Variants in SPDEF observed in about 807,000 individuals in gnomAD.
SPDEF encodes the protein SAM pointed domain-containing Ets transcription factor.
Under a neutral mutation model 36.0 loss-of-function variants are expected in SPDEF, and 12 were observed. That is an observed-to-expected ratio of 0.33 (90% CI 0.21 to 0.54). SPDEF has a LOEUF of 0.54. Among genes scored for constraint, SPDEF ranks in the 20% least tolerant of loss-of-function variants. The probability of loss-of-function intolerance (pLI) is 0.93; values close to 1 mark genes in which losing one functional copy is unlikely to be tolerated. For missense variants in SPDEF, 388 were observed against 456.9 expected, an observed-to-expected ratio of 0.85 and a Z score of 1.37; for synonymous variants, 205 against 193.0, an observed-to-expected ratio of 1.06 and a Z score of -0.51.
intron 1 of SPDEF, among the ~76,000 whole-genome samples, chr6:34,554,796 G>A (rs1162742661): frequency 1.3e-5 from 2 of 152,164 alleles, no homozygotes; most frequent in African/African-American, 2.4e-5. Flanking sequence ...CCACCAGCTT[G>A]GGCCTGGGGC....
At chr6:34,548,293 A>C (rs1350756710) in intron 1 of SPDEF, among the ~76,000 whole-genome samples, 1 of 152,128 alleles carries the variant, frequency 6.6e-6, no homozygotes, top group African/African-American at 2.4e-5. Flanking sequence ...TCTGAGGTGC[A>C]TGCTCTGGCC....
rs9469800 is a variant in SPDEF, at chr6:34,549,478, C to T, written c.-29-4994G>A. Among the ~76,000 whole-genome samples, 1,295 of 152,286 alleles carry T rather than the reference C, an allele frequency of 8.5e-3. 19 individuals are homozygous for T. The highest frequency in any genetic ancestry group is 0.029 in the African/African-American group (1,219 of 41,548). ...GGGCTAGAAATGTGCCCCTTGAACCCTTTGCCTCCCAGGTTTTCACTCCCA... is the reference window on the plus strand; with the variant it reads ...GGGCTAGAAATGTGCCCCTTGAACCTTTTGCCTCCCAGGTTTTCACTCCCA... On this transcript the variant is annotated intron_variant, in intron 1 of 5. Transcript: ENST00000374037.
intron 1 of SPDEF, among the ~76,000 whole-genome samples, chr6:34,549,741 C>T (rs1768022229): frequency 6.6e-6 from 1 of 152,206 alleles, no homozygotes; most frequent in Non-Finnish European, 1.5e-5. Context: ...CCAGCCCGCC[C>T]AGAGCCCAAG....
chr6:34,540,894 G>C, intron 3 of SPDEF, 90 bp downstream of exon 3: 1 of 1,248,476 alleles, frequency 8.0e-7, no homozygotes, highest in Non-Finnish European at 1.1e-6. Context: ...CCAAGGGGCT[G>C]CTGCCCTAGC....
rs760368986 is a variant in SPDEF at position 34,538,247 on chromosome 6, G to C, written c.*27C>G. The C allele has an allele frequency of 6.2e-7, 1 of 1,602,998 alleles. No individual in the cohort carries two copies. The highest frequency in any genetic ancestry group is 8.5e-7 in the Non-Finnish European group (1 of 1,172,532). Reference sequence around the variant, plus strand: ...GCAGGCAGGAGAGAGGCCCCTGAGGGCGGGTTTCAGGCCCTGGGCCAGGCA... The same window carrying C: ...GCAGGCAGGAGAGAGGCCCCTGAGGCCGGGTTTCAGGCCCTGGGCCAGGCA... On this transcript the variant is annotated 3_prime_UTR_variant, in exon 6 of 6. Coordinates refer to ENST00000374037, the MANE Select transcript of SPDEF (RefSeq NM_012391.3). The surrounding 1 kb of genome is among the most constrained non-coding windows in gnomAD (Gnocchi z 5.9).
At chr6:34,554,980 G>C (rs575817267) in intron 1 of SPDEF, among the ~76,000 whole-genome samples, 2 of 152,178 alleles carry the variant, frequency 1.3e-5, no homozygotes, top group East Asian at 3.9e-4. Context: ...CATGGCCTGG[G>C]TGTGGGCTGC....
chr6:34,543,195 C>CAAAAAAAAAAAAAAAAAAAAAA (rs56021909), intron 2 of SPDEF, among the ~76,000 whole-genome samples: 2 of 69,146 alleles, frequency 2.9e-5, no homozygotes, highest in African/African-American at 6.4e-5. Context: ...GACTCCATCT[C>CAAAAAAAAAAAAAAAAAAAAAA]AAAAAAAAAA....
intron 2 of SPDEF, among the ~76,000 whole-genome samples, chr6:34,543,223 A>T (rs1391877578): frequency 6.9e-6 from 1 of 145,972 alleles, no homozygotes; most frequent in Non-Finnish European, 1.5e-5. Flanking sequence ...AAAAAAAAGA[A>T]GAAAAAGAAA....
At position 34,539,132 on chromosome 6, in the gene SPDEF, A is replaced by T; in HGVS notation, c.829+118T>A. The T allele has an allele frequency of 8.3e-7, 1 of 1,204,296 alleles. No homozygotes were observed. The highest frequency in any genetic ancestry group is 1.2e-6 in the Non-Finnish European group (1 of 851,544). The allele number at this position is 1,204,296 out of a possible 1,614,324, so 74.6% of individuals were successfully genotyped here. A position where few individuals can be genotyped will look rare whatever the true frequency, so the allele number is the denominator to read the frequency against. ...GCTGCATATTTGGCATCTAGGACAA[A>T]GGTGGGGATCAGCTTCACCCCTCTG... is the stretch of plus-strand genomic sequence containing the variant. On this transcript the variant is annotated intron_variant, in intron 5 of 5. Coordinates refer to ENST00000374037, the MANE Select transcript of SPDEF (RefSeq NM_012391.3). This position sits in a 1 kb window ranked among gnomAD's most constrained non-coding sequence, Gnocchi z 5.2.
chr6:34,547,909 G>C (rs1767987009), intron 1 of SPDEF, among the ~76,000 whole-genome samples: 1 of 152,212 alleles, frequency 6.6e-6, no homozygotes, highest in East Asian at 1.9e-4. Flanking sequence ...TGGAGGAAAG[G>C]TTCGACTCTC....
At chr6:34,550,147 C>G (rs1561981102) in intron 1 of SPDEF, among the ~76,000 whole-genome samples, 1 of 152,222 alleles carries the variant, frequency 6.6e-6, no homozygotes, top group African/African-American at 2.4e-5. Context: ...CTCCAAACAC[C>G]CTGACCCCTG....
chr6:34,545,269 T>C (rs866680408), intron 1 of SPDEF, among the ~76,000 whole-genome samples: 1 of 152,198 alleles, frequency 6.6e-6, no homozygotes, highest in African/African-American at 2.4e-5. Flanking sequence ...TGGAGGAGCA[T>C]GCGGCCACCC....
At chr6:34,540,368 T>C (rs1767790572) in intron 3 of SPDEF, among the ~76,000 whole-genome samples, 1 of 151,370 alleles carries the variant, frequency 6.6e-6, no homozygotes, top group Non-Finnish European at 1.5e-5. Context: ...CAAGACATAC[T>C]GTGGTGTGCA....
rs1249733161 is a variant in SPDEF, at chr6:34,555,104, ACACACACACATACTTCCGCG to A, written c.-30+805_-30+824del. ...ACACGCACGCGCACATGCACACACC[ACACACACACATACTTCCGCG>A]CACACACACGCACGCACACACCTCC... On this transcript the variant is annotated intron_variant, in intron 1 of 5. Coordinates refer to ENST00000374037, the MANE Select transcript of SPDEF (RefSeq NM_012391.3). This position sits in a 1 kb window ranked among gnomAD's most constrained non-coding sequence, Gnocchi z 5.2. 6.6e-6 allele frequency among the ~76,000 whole-genome samples: 1 copy of A among 150,948 alleles called. No homozygotes were observed. The highest frequency in any genetic ancestry group is 6.6e-5 in the Admixed American group (1 of 15,142).
intron 1 of SPDEF, among the ~76,000 whole-genome samples, chr6:34,548,736 T>C (rs1036971813): frequency 2.0e-5 from 3 of 152,208 alleles, no homozygotes; most frequent in African/African-American, 7.2e-5. Flanking sequence ...TTTTCTAAGA[T>C]GCCCTTTCCT....
chr6:34,549,834 C>T (rs184674937), intron 1 of SPDEF, among the ~76,000 whole-genome samples: 15 of 152,334 alleles, frequency 9.8e-5, no homozygotes, highest in East Asian at 7.7e-4. Flanking sequence ...AGCCCCCAGC[C>T]GGCCTCACTG....
Position 34,538,077 on chromosome 6 carries a change from C to T in SPDEF, c.*197G>A, listed in dbSNP as rs1257771273. ...GCAGCTGGGCCTGAGGAGGAAGCAC[C>T]CCTGCCCCAGGGTCCCGAAGGCCCC... On this transcript the variant is annotated 3_prime_UTR_variant, in exon 6 of 6. Transcript: ENST00000374037. This position sits in a 1 kb window ranked among gnomAD's most constrained non-coding sequence, Gnocchi z 5.9. 7.1e-6 allele frequency: 4 copies of T among 564,640 alleles called. No individual in the cohort carries two copies. Among genetic ancestry groups the T allele is most frequent in the Non-Finnish European group, 1.2e-5 (4 of 322,274 alleles). The allele number at this position is 564,640 out of a possible 1,614,324, so 35.0% of individuals were successfully genotyped here. A position where few individuals can be genotyped will look rare whatever the true frequency, so the allele number is the denominator to read the frequency against.
In SPDEF at chr6:34,539,251, C is replaced by G. The variant is rs199698960; in HGVS notation, c.828G>C (p.Lys276Asn). The G allele has an allele frequency of 3.1e-6, 5 of 1,613,726 alleles. No individual in the cohort carries two copies. The South Asian group carries it at 5.5e-5, about 18-fold the overall frequency. The change falls in exon 5 of 6, where the codon AAG becomes AAC. Residue 276 changes from lysine (K) to asparagine (N), a missense_variant and splice_region_variant. This residue lies in a region of SPDEF where 80 missense variants were observed against 130.8 expected (regional missense o/e 0.61). Coordinates refer to ENST00000374037, the MANE Select transcript of SPDEF (RefSeq NM_012391.3). The surrounding 1 kb of genome is among the most constrained non-coding windows in gnomAD (Gnocchi z 5.2). ...GCGCCCCTTGGGCACCCTGCTCACC[C>G]TTCTCCTTGTTGAGCCACCTAATGA... ...GRFIRWLNKE[K>N]GIFKIEDSAQ...
At chr6:34,551,246 C>T (rs1768055419) in intron 1 of SPDEF, among the ~76,000 whole-genome samples, 1 of 152,212 alleles carries the variant, frequency 6.6e-6, no homozygotes, top group Admixed American at 6.5e-5. Context: ...AGCCCCACAG[C>T]AGTTGCCTTA....
Sources: gnomAD v4.1 joint callset for allele counts (sites outside exome capture counted in the v4.1 genomes callset) on GRCh38, gnomAD v4.1.1 for gene constraint, gnomAD v4.1.1 regional missense constraint, Gnocchi (gnomAD v3.1) non-coding constraint, MANE v1.5 for transcripts, NCBI Gene and HGNC (gene_info 2026-07-23, HGNC 2026-07-21) for gene names.